ITPKB: variants seen among roughly 807,000 people sequenced by gnomAD.
ITPKB encodes inositol-trisphosphate 3-kinase B.
ITPKB carries 13 observed loss-of-function variants against 69.4 expected under a neutral mutation model. That is an observed-to-expected ratio of 0.19 (90% CI 0.12 to 0.30). ITPKB has a LOEUF of 0.30. ITPKB is among the 10% of genes least tolerant of loss of function. ITPKB has a pLI of 1.00. For missense variants in ITPKB, 1,240 were observed against 1,250.5 expected (o/e 0.99, Z 0.13); for synonymous variants, 584 against 513.7 (o/e 1.14, Z -1.85).
intron 2 of ITPKB, among the ~76,000 whole-genome samples, chr1:226,670,065 G>T (rs185023620): frequency 6.7e-6 from 1 of 148,446 alleles, no homozygotes. Context: ...AGTAGAGATG[G>T]GGTTTCACTA....
chr1:226,671,719 G>A (rs995509491), intron 2 of ITPKB, among the ~76,000 whole-genome samples: 1 of 152,194 alleles, frequency 6.6e-6, no homozygotes, highest in Non-Finnish European at 1.5e-5. Flanking sequence ...TGCAGGAAGT[G>A]AGGGGCTGAG....
intron 2 of ITPKB, among the ~76,000 whole-genome samples, chr1:226,704,814 G>A (rs888835036): frequency 3.3e-5 from 5 of 152,174 alleles, no homozygotes; most frequent in African/African-American, 1.2e-4. Context: ...ACACAGCCTC[G>A]ACTTCATTTG....
At chr1:226,712,627 C>T (rs1182042337) in intron 2 of ITPKB, among the ~76,000 whole-genome samples, 1 of 152,166 alleles carries the variant, frequency 6.6e-6, no homozygotes, top group Admixed American at 6.5e-5. Flanking sequence ...TTGCCCTAGC[C>T]CTGCACTCCC....
At chr1:226,687,088 T>A (rs1178746094) in intron 2 of ITPKB, among the ~76,000 whole-genome samples, 1 of 152,180 alleles carries the variant, frequency 6.6e-6, no homozygotes, top group Non-Finnish European at 1.5e-5. Context: ...CTGCCTTGGG[T>A]CTCTAGTACT....
At chr1:226,667,357 TGGTTGAGAAAGC>T (rs773950761) in intron 2 of ITPKB, among the ~76,000 whole-genome samples, 2 of 152,194 alleles carry the variant, frequency 1.3e-5, no homozygotes, top group Non-Finnish European at 2.9e-5. Context: ...CCCAAGAGTC[TGGTTGAGAAAGC>T]GGAAGAGTGC....
intron 2 of ITPKB, among the ~76,000 whole-genome samples, chr1:226,667,826 A>ATGTGTGTGTGTGTGTGTGTG (rs3841844): frequency 3.4e-5 from 5 of 148,384 alleles, no homozygotes; most frequent in Admixed American, 6.7e-5. Context: ...GATGAGGAAA[A>ATGTGTGTGTGTGTGTGTGTG]TGTGTGTGTG....
intron 2 of ITPKB, among the ~76,000 whole-genome samples, chr1:226,653,423 C>T (rs1401714225): frequency 1.3e-5 from 2 of 152,200 alleles, no homozygotes; most frequent in African/African-American, 4.8e-5. Flanking sequence ...GGTGCCAGCC[C>T]AGTGAAGTTT....
intron 2 of ITPKB, chr1:226,707,123 TA>T: frequency 3.6e-6 from 3 of 829,800 alleles, no homozygotes; most frequent in Non-Finnish European, 4.4e-6. Context: ...CACAAGGAAA[TA>T]AAGGGACCTA....
chr1:226,731,507 T>C (rs1316925592), intron 2 of ITPKB, among the ~76,000 whole-genome samples: 2 of 152,204 alleles, frequency 1.3e-5, no homozygotes, highest in Non-Finnish European at 2.9e-5. Flanking sequence ...TCTGATACCC[T>C]AATACAAACA....
chr1:226,680,599 AG>A (rs1274387640), intron 2 of ITPKB, among the ~76,000 whole-genome samples: 1 of 152,188 alleles, frequency 6.6e-6, no homozygotes, highest in Non-Finnish European at 1.5e-5. Flanking sequence ...CAAGAAGGAA[AG>A]AAAAGGGGGC....
At chr1:226,658,968 A>C (rs1669349897) in intron 2 of ITPKB, among the ~76,000 whole-genome samples, 2 of 152,120 alleles carry the variant, frequency 1.3e-5, no homozygotes, top group African/African-American at 4.8e-5. Context: ...ACACCCAATC[A>C]GGCTGCGAGG....
rs140684004 is a variant in ITPKB at position 226,665,788 on chromosome 1, C to T, written c.1933-17017G>A. On this transcript the variant is annotated intron_variant, in intron 2 of 7. Coordinates refer to ENST00000429204, the MANE Select transcript of ITPKB (RefSeq NM_002221.4). ...AACCTCTGCCTCTAATTAGTTACAA[C>T]ACAATTTAGAACCCGGGATGGTTGG... 2.0e-3 allele frequency among the ~76,000 whole-genome samples: 300 copies of T among 152,330 alleles called. 3 individuals carry two copies. The highest frequency in any genetic ancestry group is 6.6e-3 in the African/African-American group (273 of 41,574).
Position 226,640,178 on chromosome 1 carries a change from C to G in ITPKB, c.2452-520G>C, listed in dbSNP as rs557414389. On this transcript the variant is annotated intron_variant, in intron 5 of 7. Transcript: ENST00000429204. The stretch of plus-strand genomic sequence containing the variant: ...CTCTTCTTTCACGTTTTCTGAAAGC[C>G]AGGATCCAATACAGCCCTGCCCATC... Among the ~76,000 whole-genome samples the G allele has an allele frequency of 1.6e-3, 241 of 152,320 alleles. 1 individual carries two copies. Among genetic ancestry groups the G allele is most frequent in the Non-Finnish European group, 2.7e-3 (181 of 68,012 alleles).
At chr1:226,638,926 G>A (rs1163456984) in intron 6 of ITPKB, among the ~76,000 whole-genome samples, 3 of 151,812 alleles carry the variant, frequency 2.0e-5, no homozygotes, top group African/African-American at 4.8e-5. Context: ...GTGAGTGTCC[G>A]CCAAGCTTCC....
chr1:226,735,748 T>C lies in ITPKB; in HGVS notation c.1711A>G (p.Ile571Val), dbSNP rs1334355990. The change falls in exon 2 of 8, where the codon ATT becomes GTT. Residue 571 changes from isoleucine to valine, a missense_variant. Coordinates refer to ENST00000429204, the MANE Select transcript of ITPKB (RefSeq NM_002221.4). ...CSPSNIPAVI[I>V]TDMGTQEDGA... ...TCCTCCTGGGTGCCCATGTCTGTAA[T>C]GATGACAGCAGGTATGTTGCTGGGG... 1.3e-6 allele frequency: 2 copies of C among 1,593,366 alleles called. No homozygotes were observed. The highest frequency in any genetic ancestry group is 2.2e-5 in the South Asian group (2 of 89,542).
intron 2 of ITPKB, among the ~76,000 whole-genome samples, chr1:226,670,036 G>A (rs1011064813): frequency 1.3e-5 from 2 of 151,388 alleles, no homozygotes; most frequent in African/African-American, 4.9e-5. Context: ...CACCATGCCT[G>A]GCTAATTTTT....
chr1:226,675,861 A>G (rs916871169), intron 2 of ITPKB, among the ~76,000 whole-genome samples: 7 of 152,154 alleles, frequency 4.6e-5, no homozygotes, highest in African/African-American at 1.7e-4. Context: ...TCTCGGCTAC[A>G]CTTCCACCTG....
At chr1:226,723,857 A>G (rs1558097099) in intron 2 of ITPKB, among the ~76,000 whole-genome samples, 1 of 152,068 alleles carries the variant, frequency 6.6e-6, no homozygotes, top group African/African-American at 2.4e-5. Context: ...TCAAGTTCCA[A>G]TCCCTAGTAA....
chr1:226,706,100 G>A (rs953897574), intron 2 of ITPKB, among the ~76,000 whole-genome samples: 8 of 152,188 alleles, frequency 5.3e-5, no homozygotes, highest in Non-Finnish European at 7.3e-5. Context: ...TCCCCCTCCT[G>A]TGAGGTGAAG....
Sources: allele counts gnomAD v4.1 joint callset (sites outside exome capture counted in the v4.1 genomes callset), GRCh38; gene constraint gnomAD v4.1.1; transcripts MANE v1.5; gene names NCBI Gene and HGNC (gene_info 2026-07-23, HGNC 2026-07-21).